The following SH3PXD2B variants were observed in gnomAD, a reference collection of about 807,000 sequenced individuals.
SH3PXD2B encodes the protein SH3 and PX domains 2B, also known as SH3 and PX domain-containing protein 2B.
In SH3PXD2B, 37 loss-of-function variants were observed where a neutral mutation model predicts 73.1. The ratio of observed to expected loss-of-function variants is 0.51; its 90% CI spans 0.39 to 0.67. The LOEUF (loss-of-function observed/expected upper bound fraction) is 0.67, where lower values mean the gene tolerates loss of function less well. Among genes scored for constraint, SH3PXD2B ranks in the 30% least tolerant of loss-of-function variants. The probability of loss-of-function intolerance (pLI) is 0.00; values close to 1 mark genes in which losing one functional copy is unlikely to be tolerated. For synonymous variants in SH3PXD2B, 457 were observed against 480.5 expected (o/e 0.95, Z 0.64); for missense variants, 1,053 against 1,197.8 (o/e 0.88, Z 1.78).
Position 172,333,936 on chromosome 5 carries a change from G to C in SH3PXD2B, c.*4433C>G. The C allele has an allele frequency of 1.6e-6, 2 of 1,246,254 alleles. No homozygotes were observed. The highest frequency in any genetic ancestry group is 2.1e-6 in the Non-Finnish European group (2 of 974,582). 77.2% of individuals were successfully genotyped at this position (1,246,254 alleles called of 1,614,324 possible). Reference sequence around the variant, plus strand: ...ACATGGGCACACACTGGGGTAAAATGTGGACACCATCGTTGCATTAGAATT... The same window carrying C: ...ACATGGGCACACACTGGGGTAAAATCTGGACACCATCGTTGCATTAGAATT... On this transcript the variant is annotated 3_prime_UTR_variant, in exon 13 of 13. Coordinates refer to ENST00000311601, the MANE Select transcript of SH3PXD2B (RefSeq NM_001017995.3).
At chr5:172,379,203 G>A (rs900305563) in intron 5 of SH3PXD2B, among the ~76,000 whole-genome samples, 5 of 150,998 alleles carry the variant, frequency 3.3e-5, no homozygotes, top group South Asian at 2.1e-4. Flanking sequence ...GGAGCCCCCC[G>A]GATAGGATTA....
rs1030751366 is a variant in SH3PXD2B at position 172,353,228 on chromosome 5, A to G, written c.785+660T>C. Among the ~76,000 whole-genome samples the G allele has an allele frequency of 6.6e-5, 10 of 152,172 alleles. No individual in the cohort carries two copies. The highest frequency in any genetic ancestry group is 1.5e-5 in the Non-Finnish European group (1 of 68,026). ...GCCCGAATGTCCCGCCACACATCAC[A>G]GCGCAGACACTAGATTGCAGGGACC... On this transcript the variant is annotated intron_variant, in intron 9 of 12. Coordinates refer to ENST00000311601, the MANE Select transcript of SH3PXD2B (RefSeq NM_001017995.3). This position sits in a 1 kb window ranked among gnomAD's most constrained non-coding sequence, Gnocchi z 4.3.
At position 172,354,016 on chromosome 5, in the gene SH3PXD2B, A is replaced by T; in HGVS notation, c.668-11T>A. 2 of 1,612,458 alleles carry T rather than the reference A, an allele frequency of 1.2e-6. No individual in the cohort carries two copies. The highest frequency in any genetic ancestry group is 1.7e-6 in the Non-Finnish European group (2 of 1,178,498). On this transcript the variant is annotated splice_polypyrimidine_tract_variant and intron_variant, in intron 8 of 12. Coordinates refer to ENST00000311601, the MANE Select transcript of SH3PXD2B (RefSeq NM_001017995.3). The stretch of plus-strand genomic sequence containing the variant: ...CTGTGTACTTCTCCTCTGTGGGGAC[A>T]AAAGGAAGCTGGGGTCAGAAGAGGA...
intron 8 of SH3PXD2B, among the ~76,000 whole-genome samples, chr5:172,354,931 G>A (rs563167286): frequency 1.3e-5 from 2 of 152,314 alleles, no homozygotes; most frequent in Admixed American, 1.3e-4. Context: ...GAGGGCCTGG[G>A]CTCGGCAGGG....
intron 3 of SH3PXD2B, among the ~76,000 whole-genome samples, chr5:172,396,079 G>A (rs1239422476): frequency 5.3e-5 from 8 of 151,996 alleles, no homozygotes; most frequent in Admixed American, 2.6e-4. Context: ...AGGATTGGGC[G>A]TGGTGACTCA....
At chr5:172,326,060 T>C (rs1402950131) in intron 12 of SH3PXD2B, among the ~76,000 whole-genome samples, 1 of 152,206 alleles carries the variant, frequency 6.6e-6, no homozygotes, top group African/African-American at 2.4e-5. Flanking sequence ...GTGTTGGGAT[T>C]ACAGGCGTGA....
intron 1 of SH3PXD2B, among the ~76,000 whole-genome samples, chr5:172,424,057 G>T (rs540401942): frequency 6.6e-6 from 1 of 152,298 alleles, no homozygotes; most frequent in East Asian, 1.9e-4. Flanking sequence ...GGGTGGGGGG[G>T]AGCCTGCCTG....
At chr5:172,423,186 T>C (rs1759011619) in intron 1 of SH3PXD2B, among the ~76,000 whole-genome samples, 1 of 152,104 alleles carries the variant, frequency 6.6e-6, no homozygotes, top group African/African-American at 2.4e-5. Context: ...GAGGTGACTA[T>C]TAGAGGTCAG....
intron 6 of SH3PXD2B, among the ~76,000 whole-genome samples, chr5:172,366,872 T>G: frequency 6.6e-6 from 1 of 151,006 alleles, no homozygotes; most frequent in Non-Finnish European, 1.5e-5. Flanking sequence ...GACCTGGAGA[T>G]CTGCCCGCTG....
chr5:172,411,855 C>T (rs1184743264), intron 2 of SH3PXD2B, among the ~76,000 whole-genome samples: 1 of 151,912 alleles, frequency 6.6e-6, no homozygotes, highest in East Asian at 1.9e-4. Context: ...ATTTCAACCA[C>T]ACTTGGGTGT....
intron 2 of SH3PXD2B, among the ~76,000 whole-genome samples, chr5:172,414,108 T>TA (rs1758762082): frequency 6.6e-6 from 1 of 152,082 alleles, no homozygotes; most frequent in Non-Finnish European, 1.5e-5. Context: ...CAGATAGTCT[T>TA]AAAAAGTACA....
Position 172,335,835 on chromosome 5 carries a change from C to T in SH3PXD2B, c.*2534G>A, listed in dbSNP as rs997618056. 1.6e-5 allele frequency: 20 copies of T among 1,228,588 alleles called. 1 individual carries two copies. In the South Asian group the frequency reaches 5.5e-4, roughly 34 times the overall value. 76.1% of individuals were successfully genotyped at this position (1,228,588 alleles called of 1,614,324 possible). A position where few individuals can be genotyped will look rare whatever the true frequency, so the allele number is the denominator to read the frequency against. ...AGGAAAAGGAGCTGGATACAGACGTCCTCAGGCCATAGATATGACTCAAGG... is the reference window on the plus strand; with the variant it reads ...AGGAAAAGGAGCTGGATACAGACGTTCTCAGGCCATAGATATGACTCAAGG... On this transcript the variant is annotated 3_prime_UTR_variant, in exon 13 of 13. Transcript: ENST00000311601.
At chr5:172,375,089 T>A (rs1757793639) in intron 5 of SH3PXD2B, among the ~76,000 whole-genome samples, 1 of 152,210 alleles carries the variant, frequency 6.6e-6, no homozygotes, top group African/African-American at 2.4e-5. Flanking sequence ...CCAGGAGCGG[T>A]GGTTCACGCC....
intron 1 of SH3PXD2B, among the ~76,000 whole-genome samples, chr5:172,426,209 C>T (rs1347440987): frequency 2.0e-5 from 3 of 152,180 alleles, no homozygotes; most frequent in Admixed American, 6.5e-5. Context: ...CTGAACACAA[C>T]GTGATGTCTG....
Position 172,339,237 on chromosome 5 carries a change from G to A in SH3PXD2B, c.1868C>T (p.Pro623Leu), listed in dbSNP as rs753246607. The change falls in exon 13 of 13, where the codon CCA (proline) becomes CTA (leucine). Residue 623 changes from proline (P) to leucine (L), a missense_variant. Physicochemically the swap from Pro to Leu is moderately conservative, Grantham distance 98 (BLOSUM62 -3). Around this residue, in one of 2 missense-constraint regions of SH3PXD2B, gnomAD observed 587 missense variants for 590.7 expected, o/e 0.99. Transcript: ENST00000311601. This position sits in a 1 kb window ranked among gnomAD's most constrained non-coding sequence, Gnocchi z 6.1. ...RPISKSKTDL[P>L]EEKPDATPQN... ...GGGAGTGGCATCTGGCTTCTCCTCT[G>A]GCAGGTCAGTTTTGGATTTGGAGAT... 1 of 1,614,218 alleles carries A rather than the reference G, an allele frequency of 6.2e-7. No individual in the cohort carries two copies. Among genetic ancestry groups the A allele is most frequent in the South Asian group, 1.1e-5 (1 of 91,090 alleles).
At chr5:172,442,684 C>T (rs1759575645) in intron 1 of SH3PXD2B, among the ~76,000 whole-genome samples, 1 of 152,136 alleles carries the variant, frequency 6.6e-6, no homozygotes, top group African/African-American at 2.4e-5. Flanking sequence ...ACTCAAAATG[C>T]ACATCACTAG....
At chr5:172,329,692 C>A (rs1424285930), downstream of SH3PXD2B, among the ~76,000 whole-genome samples, 1 of 151,964 alleles carries the variant, frequency 6.6e-6, no homozygotes, top group East Asian at 1.9e-4. Flanking sequence ...CACCCGCCAC[C>A]ACGCCCGGCT....
chr5:172,450,240 CCTAT>C (rs769287209), intron 1 of SH3PXD2B, among the ~76,000 whole-genome samples: 16 of 151,972 alleles, frequency 1.1e-4, no homozygotes, highest in East Asian at 3.9e-4. Flanking sequence ...TAAAAAAAAT[CCTAT>C]CTATTAGTCT....
chr5:172,402,529 G>C (rs1266260170), intron 3 of SH3PXD2B, among the ~76,000 whole-genome samples: 2 of 152,148 alleles, frequency 1.3e-5, no homozygotes, highest in African/African-American at 4.8e-5. Context: ...GGGCATCACG[G>C]AACCTGCCGA....
Sources: gnomAD v4.1 joint callset for allele counts (sites outside exome capture counted in the v4.1 genomes callset) on GRCh38, gnomAD v4.1.1 for gene constraint, gnomAD v4.1.1 regional missense constraint, Gnocchi (gnomAD v3.1) non-coding constraint, MANE v1.5 for transcripts, NCBI Gene and HGNC (gene_info 2026-07-23, HGNC 2026-07-21) for gene names.